The following BMPER variants were observed in gnomAD, a reference collection of about 807,000 sequenced individuals.
BMPER encodes the protein BMP binding endothelial regulator.
Under a neutral mutation model 87.3 loss-of-function variants are expected in BMPER, and 45 were observed. The observed-to-expected ratio is 0.52, with a 90% CI of 0.41 to 0.66. The LOEUF (loss-of-function observed/expected upper bound fraction) is 0.66, where lower values mean the gene tolerates loss of function less well. Among genes scored for constraint, BMPER ranks in the 30% least tolerant of loss-of-function variants. The probability of loss-of-function intolerance (pLI) is 0.00; values close to 1 mark genes in which losing one functional copy is unlikely to be tolerated. For synonymous variants in BMPER, 326 were observed against 316.2 expected, an observed-to-expected ratio of 1.03 and a Z score of -0.33; for missense variants, 784 against 867.5, an observed-to-expected ratio of 0.90 and a Z score of 1.21.
At chr7:33,974,919 G>T in intron 6 of BMPER, 135 bp downstream of exon 6, 1 of 893,622 alleles carries the variant, frequency 1.1e-6, no homozygotes. Flanking sequence ...CTGATGTGGA[G>T]CCGAGGGAAA....
intron 6 of BMPER, among the ~76,000 whole-genome samples, chr7:34,021,029 A>G (rs1787172761): frequency 6.6e-6 from 1 of 152,070 alleles, no homozygotes; most frequent in Non-Finnish European, 1.5e-5. Context: ...CAACTGATGT[A>G]GGAGGAGATG....
chr7:33,924,602 C>T (rs193153513), intron 2 of BMPER, among the ~76,000 whole-genome samples: 225 of 152,346 alleles, frequency 1.5e-3, no homozygotes, highest in African/African-American at 5.1e-3. Context: ...GACGTATTCT[C>T]CTTCCTTCAC....
At chr7:33,971,783 G>A (rs1359934030) in intron 5 of BMPER, among the ~76,000 whole-genome samples, 2 of 152,140 alleles carry the variant, frequency 1.3e-5, no homozygotes, top group Non-Finnish European at 2.9e-5. Flanking sequence ...GATAATTTCT[G>A]TACACAGCCA....
At chr7:34,030,585 T>G (rs963632695) in intron 6 of BMPER, among the ~76,000 whole-genome samples, 1 of 152,122 alleles carries the variant, frequency 6.6e-6, no homozygotes, top group African/African-American at 2.4e-5. Flanking sequence ...GAAGTACTAG[T>G]TTAGAAGATG....
intron 6 of BMPER, among the ~76,000 whole-genome samples, chr7:34,007,601 T>G (rs1786768012): frequency 6.6e-6 from 1 of 152,028 alleles, no homozygotes; most frequent in Admixed American, 6.6e-5. Flanking sequence ...ATCTTGGATG[T>G]TGTTCCAAAT....
At chr7:33,991,033 G>A (rs1367730217) in intron 6 of BMPER, among the ~76,000 whole-genome samples, 2 of 144,688 alleles carry the variant, frequency 1.4e-5, no homozygotes, top group African/African-American at 5.1e-5. Flanking sequence ...TTTTATTGAG[G>A]ATTTTTGCAT....
intron 13 of BMPER, among the ~76,000 whole-genome samples, chr7:34,117,510 C>G (rs1159624441): frequency 6.6e-6 from 1 of 152,204 alleles, no homozygotes; most frequent in Non-Finnish European, 1.5e-5. Context: ...GATAATCACT[C>G]TTGATACGCA....
intron 6 of BMPER, among the ~76,000 whole-genome samples, chr7:34,027,569 T>C (rs539846870): frequency 1.3e-5 from 2 of 152,132 alleles, no homozygotes; most frequent in African/African-American, 2.4e-5. Flanking sequence ...ATGTGTTTAT[T>C]TGAGTTGTGA....
chr7:33,914,550 A>G (rs1046802789), intron 2 of BMPER, among the ~76,000 whole-genome samples: 1 of 152,212 alleles, frequency 6.6e-6, no homozygotes, highest in African/African-American at 2.4e-5. Flanking sequence ...TAGACCTTCA[A>G]GGTAGAAACG....
chr7:34,015,021 T>C (rs923391900), intron 6 of BMPER, among the ~76,000 whole-genome samples: 2 of 151,964 alleles, frequency 1.3e-5, no homozygotes, highest in Non-Finnish European at 2.9e-5. Context: ...TGAATACTCT[T>C]GTGATTTCAT....
intron 6 of BMPER, among the ~76,000 whole-genome samples, chr7:34,029,888 G>A (rs914626629): frequency 6.6e-6 from 1 of 152,068 alleles, no homozygotes; most frequent in African/African-American, 2.4e-5. Context: ...GGGAGGTAGA[G>A]TTTTTATACT....
At chr7:34,111,861 G>A (rs189100333) in intron 13 of BMPER, among the ~76,000 whole-genome samples, 121 of 152,096 alleles carry the variant, frequency 8.0e-4, no homozygotes, top group Non-Finnish European at 1.5e-3. Flanking sequence ...TTATAGGCAC[G>A]CACCACCACG....
chr7:34,034,220 A>T (rs985557457), intron 6 of BMPER, among the ~76,000 whole-genome samples: 1 of 152,168 alleles, frequency 6.6e-6, no homozygotes, highest in Non-Finnish European at 1.5e-5. Context: ...ATTTAATATA[A>T]CTTATTGGCC....
chr7:34,024,395 AT>A (rs2127947707), intron 6 of BMPER, among the ~76,000 whole-genome samples: 2 of 19,432 alleles, frequency 1.0e-4, no homozygotes, highest in Admixed American at 5.3e-4. Flanking sequence ...ATATATATAT[AT>A]ATATATATAT....
In BMPER at chr7:34,153,086, T is replaced by C. The variant is rs1424061430; in HGVS notation, c.1877-6T>C. 1.2e-6 allele frequency: 2 copies of C among 1,613,892 alleles called. No homozygotes were observed. The highest frequency in any genetic ancestry group is 1.7e-6 in the Non-Finnish European group (2 of 1,179,906). ...TGTTATGCCTTTGTCTCCTTCTCTT[T>C]TTCAGCCACCCAGTGTAAGCATGGT... On this transcript the variant is annotated splice_region_variant and splice_polypyrimidine_tract_variant and intron_variant, in intron 14 of 14. Coordinates refer to ENST00000649409, the MANE Select transcript of BMPER (RefSeq NM_001365308.1).
rs532833810 is a variant in BMPER, at chr7:34,079,130, C to T, written c.1352C>T (p.Ala451Val). 12 of 1,613,916 alleles carry T rather than the reference C, an allele frequency of 7.4e-6. No homozygotes were observed. The highest frequency in any genetic ancestry group is 2.2e-5 in the South Asian group (2 of 91,060). ...NGSRIALPCR[A>V]PHFHIDLDGY... The stretch of plus-strand genomic sequence containing the variant: ...TCGCGCATCGCGCTCCCCTGCCGCG[C>T]GCCACACTTCCACATCGACCTGGAT... The change falls in exon 12 of 15, where the codon GCG becomes GTG. Residue 451 changes from alanine to valine, a missense_variant. Coordinates refer to ENST00000649409, the MANE Select transcript of BMPER (RefSeq NM_001365308.1).
chr7:33,969,431 GCT>G (rs1205995342), intron 4 of BMPER, among the ~76,000 whole-genome samples: 1 of 152,088 alleles, frequency 6.6e-6, no homozygotes, highest in African/African-American at 2.4e-5. Context: ...ATGGAGTCTC[GCT>G]CTGTCGTCCA....
Position 34,058,078 on chromosome 7 carries a change from C to G in BMPER, c.947C>G (p.Ser316Cys). ...TTGTAGGATGGAGAGATGTGGTCCT[C>G]TATCAATTGTACCATCTGTGCTTGT... ...KIFQDGEMWS[S>C]INCTICACVK... The change falls in exon 10 of 15, where the codon TCT (serine) becomes TGT (cysteine). Residue 316 changes from serine to cysteine, a missense_variant. By Grantham distance (112) the Ser-to-Cys change is moderately radical. Transcript: ENST00000649409. 6.2e-7 allele frequency: 1 copy of G among 1,614,090 alleles called. No individual in the cohort carries two copies. The highest frequency in any genetic ancestry group is 8.5e-7 in the Non-Finnish European group (1 of 1,179,998).
chr7:33,999,945 C>A lies in BMPER; in HGVS notation c.576+25161C>A, dbSNP rs551812629. Among the ~76,000 whole-genome samples, 6 of 152,178 alleles carry A rather than the reference C, an allele frequency of 3.9e-5. No individual in the cohort carries two copies. The South Asian group carries it at 1.0e-3, about 26-fold the overall frequency. On this transcript the variant is annotated intron_variant, in intron 6 of 14. Coordinates refer to ENST00000649409, the MANE Select transcript of BMPER (RefSeq NM_001365308.1). Reference sequence around the variant, plus strand: ...AATGAAGTGGAGACCTCATCAAACCCTCTAGGGGAGAGTGCCATAACCAGA... The same window carrying A: ...AATGAAGTGGAGACCTCATCAAACCATCTAGGGGAGAGTGCCATAACCAGA...
Sources: allele counts gnomAD v4.1 joint callset (sites outside exome capture counted in the v4.1 genomes callset), GRCh38; gene constraint gnomAD v4.1.1; transcripts MANE v1.5; gene names NCBI Gene and HGNC (gene_info 2026-07-23, HGNC 2026-07-21).